TUBGCP4: variants seen among roughly 807,000 people sequenced by gnomAD.
TUBGCP4 encodes tubulin gamma complex component 4, also known as gamma-tubulin complex component 4.
Under a neutral mutation model 91.6 loss-of-function variants are expected in TUBGCP4, and 54 were observed. That is an observed-to-expected ratio of 0.59 (90% CI 0.47 to 0.74). TUBGCP4 has a LOEUF of 0.74. Among genes scored for constraint, TUBGCP4 ranks in the 30% least tolerant of loss-of-function variants. The probability of loss-of-function intolerance (pLI) is 0.00; values close to 1 mark genes in which losing one functional copy is unlikely to be tolerated. For missense variants in TUBGCP4, 593 were observed against 800.9 expected, an observed-to-expected ratio of 0.74 and a Z score of 3.13; for synonymous variants, 297 against 302.8, an observed-to-expected ratio of 0.98 and a Z score of 0.20.
chr15:43,398,779 G>A lies in TUBGCP4; in HGVS notation c.1418+600G>A, dbSNP rs139882535. On this transcript the variant is annotated intron_variant, in intron 13 of 17. Coordinates refer to ENST00000564079, the MANE Select transcript of TUBGCP4 (RefSeq NM_014444.5). Reference sequence around the variant, plus strand: ...TGCTATGGATGTTAGCCACTGGGGAGAAGACAAAATCCTGTGTCCTCATTA... The same window carrying A: ...TGCTATGGATGTTAGCCACTGGGGAAAAGACAAAATCCTGTGTCCTCATTA... 3.0e-4 allele frequency among the ~76,000 whole-genome samples: 45 copies of A among 152,284 alleles called. 1 individual carries two copies. In the East Asian group the frequency reaches 8.7e-3, roughly 29 times the overall value.
intron 1 of TUBGCP4, among the ~76,000 whole-genome samples, chr15:43,372,429 A>G (rs1234513056): frequency 1.3e-5 from 2 of 152,214 alleles, no homozygotes; most frequent in Non-Finnish European, 2.9e-5. Context: ...TGAAAAAAAC[A>G]GGTGAAGATT....
At chr15:43,374,466 G>T (rs2044172172) in intron 1 of TUBGCP4, among the ~76,000 whole-genome samples, 1 of 152,076 alleles carries the variant, frequency 6.6e-6, no homozygotes, top group Admixed American at 6.6e-5. Flanking sequence ...TTTTTAATTA[G>T]CTGGGCATGG....
rs1275970061 is a variant in TUBGCP4 at position 43,408,786 on chromosome 15, C to G, written c.*3572C>G. Reference sequence around the variant, plus strand: ...CATTTCAAACCCACTCAAATTTATCCCACAGACATTCCAATTTCTAGAAAG... The same window carrying G: ...CATTTCAAACCCACTCAAATTTATCGCACAGACATTCCAATTTCTAGAAAG... On this transcript the variant is annotated 3_prime_UTR_variant, in exon 18 of 18. Transcript: ENST00000564079. 5.5e-6 allele frequency: 6 copies of G among 1,087,260 alleles called. No homozygotes were observed. Among genetic ancestry groups the G allele is most frequent in the Non-Finnish European group, 6.7e-6 (5 of 741,856 alleles). The allele number at this position is 1,087,260 out of a possible 1,614,324, so 67.4% of individuals were successfully genotyped here.
chr15:43,406,361 G>C lies in TUBGCP4; in HGVS notation c.*1147G>C, dbSNP rs2044878460. 3.2e-6 allele frequency: 1 copy of C among 314,386 alleles called. No individual in the cohort carries two copies. The highest frequency in any genetic ancestry group is 6.3e-6 in the Non-Finnish European group (1 of 158,676). 19.5% of individuals were successfully genotyped at this position (314,386 alleles called of 1,614,324 possible). ...TATTCTACACACACTGGGAAGCTCTGACAACTTATTCCCTGCTATTATCAA... is the reference window on the plus strand; with the variant it reads ...TATTCTACACACACTGGGAAGCTCTCACAACTTATTCCCTGCTATTATCAA... On this transcript the variant is annotated 3_prime_UTR_variant, in exon 18 of 18. Transcript: ENST00000564079.
chr15:43,404,731 C>T (rs2044801109), intron 17 of TUBGCP4, 179 bp downstream of exon 17: 1 of 659,428 alleles, frequency 1.5e-6, no homozygotes, highest in Non-Finnish European at 2.5e-6. Flanking sequence ...TAGTAGAAGT[C>T]ATCATCATCA....
chr15:43,380,716 A>G (rs908058330), intron 6 of TUBGCP4, among the ~76,000 whole-genome samples: 7 of 152,256 alleles, frequency 4.6e-5, no homozygotes, highest in Non-Finnish European at 1.0e-4. Context: ...TTGATAGACT[A>G]TAAAGCCACT....
chr15:43,376,744 G>A, intron 3 of TUBGCP4, 119 bp downstream of exon 3: 1 of 1,392,330 alleles, frequency 7.2e-7, no homozygotes, highest in Non-Finnish European at 9.9e-7. Context: ...CTGCATGGCT[G>A]GAAGGTACAG....
Position 43,405,901 on chromosome 15 carries a change from G to A in TUBGCP4, c.*687G>A, listed in dbSNP as rs1467091412. On this transcript the variant is annotated 3_prime_UTR_variant, in exon 18 of 18. Transcript: ENST00000564079. Reference sequence around the variant, plus strand: ...CTAAAAATACAAAAATTAGCCAGGTGTGGTGGCATGTGCCTGTAATCCCAG... The same window carrying A: ...CTAAAAATACAAAAATTAGCCAGGTATGGTGGCATGTGCCTGTAATCCCAG... The A allele has an allele frequency of 6.6e-6, 1 of 152,120 alleles. No individual in the cohort carries two copies. The highest frequency in any genetic ancestry group is 6.6e-5 in the Admixed American group (1 of 15,248). 9.4% of individuals were successfully genotyped at this position (152,120 alleles called of 1,614,324 possible).
chr15:43,408,034 T>C lies in TUBGCP4; in HGVS notation c.*2820T>C, dbSNP rs769046360. On this transcript the variant is annotated 3_prime_UTR_variant, in exon 18 of 18. Coordinates refer to ENST00000564079, the MANE Select transcript of TUBGCP4 (RefSeq NM_014444.5). ...ACCAGAGCTCCAGGAAGTTCTGCTG[T>C]TGGTCTGATACCAAGAGTACCTTCA... The C allele has an allele frequency of 1.2e-5, 19 of 1,614,048 alleles. No individual in the cohort carries two copies. Among genetic ancestry groups the C allele is most frequent in the Non-Finnish European group, 1.6e-5 (19 of 1,180,018 alleles).
chr15:43,398,831 T>C (rs1309156176), intron 13 of TUBGCP4, among the ~76,000 whole-genome samples: 1 of 152,230 alleles, frequency 6.6e-6, no homozygotes, highest in Non-Finnish European at 1.5e-5. Context: ...AGCAACATTA[T>C]ACTACTTTTA....
intron 7 of TUBGCP4, 68 bp from the exon 8 acceptor site, chr15:43,385,723 T>C: frequency 1.3e-6 from 2 of 1,521,754 alleles, no homozygotes; most frequent in Non-Finnish European, 1.8e-6. Flanking sequence ...GGAGAGTTAC[T>C]AGGTATTTTC....
intron 5 of TUBGCP4, among the ~76,000 whole-genome samples, chr15:43,379,044 GGA>G (rs2044247767): frequency 6.6e-6 from 1 of 152,208 alleles, no homozygotes; most frequent in Admixed American, 6.5e-5. Flanking sequence ...GCTATAGGAA[GGA>G]GAGTGGAAAA....
chr15:43,404,649 C>T, intron 17 of TUBGCP4, 97 bp downstream of exon 17: 1 of 1,319,844 alleles, frequency 7.6e-7, no homozygotes, highest in Non-Finnish European at 1.1e-6. Flanking sequence ...AGTCCAAATA[C>T]CCTCATTTTA....
Position 43,407,288 on chromosome 15 carries a change from G to T in TUBGCP4, c.*2074G>T. On this transcript the variant is annotated 3_prime_UTR_variant, in exon 18 of 18. Transcript: ENST00000564079. ...AAATAAAACTATATACAAGATCCAT[G>T]CAAGGAATCCAGTTACACACAAGAC... is the stretch of plus-strand genomic sequence containing the variant. 2.9e-6 allele frequency: 3 copies of T among 1,039,028 alleles called. No individual in the cohort carries two copies. Among genetic ancestry groups the T allele is most frequent in the Non-Finnish European group, 4.3e-6 (3 of 692,790 alleles). The allele number at this position is 1,039,028 out of a possible 1,614,324, so 64.4% of individuals were successfully genotyped here.
Position 43,405,281 on chromosome 15 carries a change from T to C in TUBGCP4, c.*67T>C. 1.3e-6 allele frequency: 2 copies of C among 1,558,904 alleles called. No individual in the cohort carries two copies. Among genetic ancestry groups the C allele is most frequent in the Non-Finnish European group, 1.8e-6 (2 of 1,130,396 alleles). ...AGGTTGTAACAGAAGATTCAAAACA[T>C]CCCATTCTAGCCACACACAAATAAA... is the stretch of plus-strand genomic sequence containing the variant. On this transcript the variant is annotated 3_prime_UTR_variant, in exon 18 of 18. Coordinates refer to ENST00000564079, the MANE Select transcript of TUBGCP4 (RefSeq NM_014444.5).
At chr15:43,393,867 C>G (rs1049487306) in intron 9 of TUBGCP4, among the ~76,000 whole-genome samples, 5 of 152,122 alleles carry the variant, frequency 3.3e-5, no homozygotes, top group Non-Finnish European at 5.9e-5. Flanking sequence ...TGACCTTGTG[C>G]TCTGCCCACC....
chr15:43,379,296 A>G (rs1595479558), intron 5 of TUBGCP4, among the ~76,000 whole-genome samples: 2 of 152,346 alleles, frequency 1.3e-5, no homozygotes, highest in African/African-American at 4.8e-5. Context: ...GTTTATTAGT[A>G]TGCTTAAAAT....
chr15:43,394,583 T>G (rs1456765908), intron 9 of TUBGCP4: 2 of 152,400 alleles, frequency 1.3e-5, no homozygotes, highest in African/African-American at 4.8e-5. Flanking sequence ...CTATGATTGA[T>G]ATGCTTGGAC....
chr15:43,395,018 A>T, intron 9 of TUBGCP4, 89 bp from the exon 10 acceptor site: 1 of 1,404,866 alleles, frequency 7.1e-7, no homozygotes, highest in Non-Finnish European at 1.0e-6. Flanking sequence ...GTCTTCTTTT[A>T]ATACATTGCT....
Sources: allele counts gnomAD v4.1 joint callset (sites outside exome capture counted in the v4.1 genomes callset), GRCh38; gene constraint gnomAD v4.1.1; transcripts MANE v1.5; gene names NCBI Gene and HGNC (gene_info 2026-07-23, HGNC 2026-07-21).